Variants in ACTB observed in about 807,000 individuals in gnomAD.
The protein encoded by ACTB is actin beta.
In ACTB, 2 loss-of-function variants were observed where a neutral mutation model predicts 30.5. That is an observed-to-expected ratio of 0.07 (90% CI 0.03 to 0.21). The LOEUF is 0.21. ACTB is among the 10% of genes least tolerant of loss of function. The pLI is 1.00. For missense variants in ACTB, 56 were observed against 530.0 expected (o/e 0.11, Z 8.78); for synonymous variants, 335 against 217.6 (o/e 1.54, Z -4.75).
Position 5,529,646 on chromosome 7 carries a change from A to G in ACTB, c.12T>C (p.Asp4=). The G allele has an allele frequency of 6.2e-7, 1 of 1,611,396 alleles. No individual in the cohort carries two copies. The highest frequency in any genetic ancestry group is 1.3e-5 in the African/African-American group (1 of 74,990). The change falls in exon 2 of 6, where the codon GAT becomes GAC. Residue 4 remains aspartate, a synonymous_variant. Transcript: ENST00000646664. ...CGTTGTCGACGACGAGCGCGGCGAT[A>G]TCATCATCCATGGTGAGCTGCGAGA... MDD[D]IAALVVDNGS...
chr7:5,530,315 C>T (rs1035510252), intron 1 of ACTB, among the ~76,000 whole-genome samples: 11 of 152,036 alleles, frequency 7.2e-5, no homozygotes, highest in Non-Finnish European at 8.8e-5. Flanking sequence ...GCGCGCCTCC[C>T]GAGCGCGGCC....
chr7:5,530,157 G>A (rs1010687456), intron 1 of ACTB, among the ~76,000 whole-genome samples: 3 of 151,952 alleles, frequency 2.0e-5, no homozygotes, highest in Non-Finnish European at 2.9e-5. Flanking sequence ...AGCGCCCAAA[G>A]GACCAGCGCG....
rs367787618 is a variant in ACTB, at chr7:5,529,682, G to C, written c.-6-19C>G. Reference sequence around the variant, plus strand: ...TGGTGAGCTGCGAGAATAGCCGGGCGCGCTGTGAGCCGAGGTCGCCCCCGC... The same window carrying C: ...TGGTGAGCTGCGAGAATAGCCGGGCCCGCTGTGAGCCGAGGTCGCCCCCGC... On this transcript the variant is annotated intron_variant, in intron 1 of 5. Coordinates refer to ENST00000646664, the MANE Select transcript of ACTB (RefSeq NM_001101.5). 1.2e-6 allele frequency: 2 copies of C among 1,611,184 alleles called. No individual in the cohort carries two copies. Among genetic ancestry groups the C allele is most frequent in the South Asian group, 2.2e-5 (2 of 91,040 alleles).
intron 1 of ACTB, among the ~76,000 whole-genome samples, chr7:5,530,282 G>A (rs1010803453): frequency 6.6e-6 from 1 of 151,894 alleles, no homozygotes; most frequent in East Asian, 1.9e-4. Flanking sequence ...GGTTGCCCCC[G>A]CCCCGAGAGC....
At chr7:5,529,850 C>T (rs1784849020) in intron 1 of ACTB, 187 bp from the exon 2 acceptor site, 2 of 987,820 alleles carry the variant, frequency 2.0e-6, no homozygotes, top group East Asian at 2.8e-5. Context: ...CGGCGCGCGG[C>T]AGGAAGCCAG....
At chr7:5,529,495 G>A (rs1318231938) in intron 2 of ACTB, 40 bp downstream of exon 2, 2 of 1,612,174 alleles carry the variant, frequency 1.2e-6, no homozygotes, top group South Asian at 1.1e-5. Context: ...CTTGCCTCCC[G>A]CCCGCTCCCG....
At position 5,527,943 on chromosome 7, in the gene ACTB, A is replaced by C. The variant is rs538560302; in HGVS notation, c.985-52T>G. The C allele has an allele frequency of 2.5e-6, 4 of 1,613,092 alleles. No homozygotes were observed. In the African/African-American group the frequency reaches 4.0e-5, roughly 16 times the overall value. ...AGGACCCTGGATGTGACAGCTCCCCACACACCACAGGACCCCACAGCCGAC... is the reference window on the plus strand; with the variant it reads ...AGGACCCTGGATGTGACAGCTCCCCCCACACCACAGGACCCCACAGCCGAC... On this transcript the variant is annotated intron_variant, in intron 5 of 5. Coordinates refer to ENST00000646664, the MANE Select transcript of ACTB (RefSeq NM_001101.5).
rs879092158 is a variant in ACTB, at chr7:5,528,000, C to T, written c.984+4G>A. 1.2e-6 allele frequency: 2 copies of T among 1,613,082 alleles called. No individual in the cohort carries two copies. Among genetic ancestry groups the T allele is most frequent in the Non-Finnish European group, 8.5e-7 (1 of 1,179,062 alleles). ...AGGTCAGCTCAGGCAGGAAAGACAC[C>T]CACCTTGATCTTCATTGTGCTGGGT... is the stretch of plus-strand genomic sequence containing the variant. On this transcript the variant is annotated splice_donor_region_variant and intron_variant, in intron 5 of 5. Transcript: ENST00000646664.
chr7:5,530,314 C>G (rs1003588455), intron 1 of ACTB, among the ~76,000 whole-genome samples: 14 of 152,128 alleles, frequency 9.2e-5, no homozygotes, highest in Admixed American at 7.2e-4. Flanking sequence ...AGCGCGCCTC[C>G]CGAGCGCGGC....
chr7:5,529,447 C>T (rs1342618973), intron 2 of ACTB, 47 bp from the exon 3 acceptor site: 8 of 1,613,404 alleles, frequency 5.0e-6, no homozygotes, highest in African/African-American at 1.3e-5. Context: ...GCAGCCCCCA[C>T]CCCGGAAACC....
rs1041149457 is a variant in ACTB at position 5,529,170 on chromosome 7, C to T, written c.354G>A (p.Lys118=). 6.2e-7 allele frequency: 1 copy of T among 1,613,994 alleles called. No individual in the cohort carries two copies. The highest frequency in any genetic ancestry group is 1.3e-5 in the African/African-American group (1 of 75,040). Residue 118 remains lysine (K), a synonymous_variant, in exon 3 of 6, where the codon AAG becomes AAA. Coordinates refer to ENST00000646664, the MANE Select transcript of ACTB (RefSeq NM_001101.5). ...GTAGCGGGCCACTCACCTGGGTCAT[C>T]TTCTCGCGGTTGGCCTTGGGGTTCA... is the stretch of plus-strand genomic sequence containing the variant. ...APLNPKANRE[K]MTQIMFETFN...
chr7:5,527,268 A>G lies in ACTB; in HGVS notation c.*480T>C, dbSNP rs1784783198. On this transcript the variant is annotated 3_prime_UTR_variant, in exon 6 of 6. Coordinates refer to ENST00000646664, the MANE Select transcript of ACTB (RefSeq NM_001101.5). ...CTTCATACATCTCAAGTTGGGGGAC[A>G]AAAAAGGGGGAAGGGGGGGCACGAA... The G allele has an allele frequency of 8.2e-6, 2 of 242,662 alleles. No homozygotes were observed. The highest frequency in any genetic ancestry group is 1.6e-5 in the Non-Finnish European group (2 of 121,996). 15.0% of individuals were successfully genotyped at this position (242,662 alleles called of 1,614,324 possible). A position where few individuals can be genotyped will look rare whatever the true frequency, so the allele number is the denominator to read the frequency against.
rs757736707 is a variant in ACTB at position 5,529,547 on chromosome 7, G to A, written c.111C>T (p.Arg37=). 1.9e-6 allele frequency: 3 copies of A among 1,611,418 alleles called. No homozygotes were observed. In the African/African-American group the frequency reaches 4.0e-5, roughly 22 times the overall value. ...PRAVFPSIVG[R]PRHQGVMVGM... ...CCAGCTCCCCTACCTGGTGCCTGGG[G>A]CGCCCCACGATGGAGGGGAAGACGG... Residue 37 remains arginine (R), a synonymous_variant, in exon 2 of 6, where the codon CGC becomes CGT. Coordinates refer to ENST00000646664, the MANE Select transcript of ACTB (RefSeq NM_001101.5).
intron 3 of ACTB, 86 bp downstream of exon 3, chr7:5,529,074 AG>A (rs756148153): frequency 1.9e-6 from 3 of 1,613,200 alleles, no homozygotes; most frequent in Non-Finnish European, 2.5e-6. Context: ...GGAAAACGGC[AG>A]AAGAGAGAAC....
In ACTB at chr7:5,529,517, C is replaced by T. The variant is rs551932499; in HGVS notation, c.123+18G>A. ...CCCGCCCGCTCCCGGGGCTGCCCCACCCAGCCAGCTCCCCTACCTGGTGCC... is the reference window on the plus strand; with the variant it reads ...CCCGCCCGCTCCCGGGGCTGCCCCATCCAGCCAGCTCCCCTACCTGGTGCC... On this transcript the variant is annotated intron_variant, in intron 2 of 5. Transcript: ENST00000646664. The T allele has an allele frequency of 1.2e-6, 2 of 1,611,852 alleles. No homozygotes were observed. Among genetic ancestry groups the T allele is most frequent in the African/African-American group, 2.7e-5 (2 of 75,044 alleles).
In ACTB at chr7:5,529,325, G is replaced by A. The variant is rs1562719824; in HGVS notation, c.199C>T (p.Leu67=). The A allele has an allele frequency of 1.2e-6, 2 of 1,614,064 alleles. No homozygotes were observed. The highest frequency in any genetic ancestry group is 2.7e-5 in the African/African-American group (2 of 75,064). The change falls in exon 3 of 6, where the codon CTG becomes TTG. Residue 67 remains leucine (L), a synonymous_variant. Coordinates refer to ENST00000646664, the MANE Select transcript of ACTB (RefSeq NM_001101.5). ...ATGCCGTGCTCGATGGGGTACTTCA[G>A]GGTGAGGATGCCTCTCTTGCTCTGG... The part of the protein sequence containing the change: ...EAQSKRGILT[L]KYPIEHGIVT...
At chr7:5,530,242 C>T (rs1286355689) in intron 1 of ACTB, among the ~76,000 whole-genome samples, 4 of 151,964 alleles carry the variant, frequency 2.6e-5, no homozygotes, top group Admixed American at 2.6e-4. Flanking sequence ...TCCCCATTGG[C>T]AAGAGCCCGG....
intron 1 of ACTB, chr7:5,529,871 C>A: frequency 3.6e-6 from 3 of 831,060 alleles, no homozygotes. Context: ...GCCCCAACCC[C>A]CTCCCAACCG....
Position 5,527,517 on chromosome 7 carries a change from C to G in ACTB, c.*231G>C. On this transcript the variant is annotated 3_prime_UTR_variant, in exon 6 of 6. Coordinates refer to ENST00000646664, the MANE Select transcript of ACTB (RefSeq NM_001101.5). ...TTTGGAATGACTATTAAAAAAACAA[C>G]AATGTGCAATCAAAGTCCTCGGCCA... 1 of 667,842 alleles carries G rather than the reference C, an allele frequency of 1.5e-6. No homozygotes were observed. The highest frequency in any genetic ancestry group is 2.5e-6 in the Non-Finnish European group (1 of 400,702). 41.4% of individuals were successfully genotyped at this position (667,842 alleles called of 1,614,324 possible). A position where few individuals can be genotyped will look rare whatever the true frequency, so the allele number is the denominator to read the frequency against.
Sources: allele counts gnomAD v4.1 joint callset (sites outside exome capture counted in the v4.1 genomes callset), GRCh38; gene constraint gnomAD v4.1.1; transcripts MANE v1.5; gene names NCBI Gene and HGNC (gene_info 2026-07-23, HGNC 2026-07-21).